The following ARHGEF18 variants were observed in gnomAD, a reference collection of about 807,000 sequenced individuals.
The protein encoded by ARHGEF18 is rho guanine nucleotide exchange factor 18.
ARHGEF18 carries 93 observed loss-of-function variants against 155.7 expected under a neutral mutation model. The observed-to-expected ratio is 0.60, with a 90% CI of 0.50 to 0.71. The LOEUF (loss-of-function observed/expected upper bound fraction) is 0.71, where lower values mean the gene tolerates loss of function less well. Among genes scored for constraint, ARHGEF18 ranks in the 30% least tolerant of loss-of-function variants. The pLI, the probability that ARHGEF18 is intolerant of heterozygous loss-of-function variation, is 0.00. For synonymous variants in ARHGEF18, 742 were observed against 753.1 expected (o/e 0.99, Z 0.24); for missense variants, 1,593 against 1,816.1 (o/e 0.88, Z 2.23).
intron 10 of ARHGEF18, among the ~76,000 whole-genome samples, chr19:7,385,893 TCC>T (rs1193790498): frequency 0.016 from 550 of 33,682 alleles, 47 homozygotes; most frequent in African/African-American, 0.091. Flanking sequence ...TCTCCCTCCC[TCC>T]CTCTCTCTCT....
chr19:7,385,872 C>CTCT lies in ARHGEF18; in HGVS notation c.967+2669_967+2670insTCT, dbSNP rs1568285803. ...CTCTCTCTCTCTCTCTCTCTCTCTC[C>CTCT]CCCCTCCCTCTCTCCCTCCCTCCCT... On this transcript the variant is annotated intron_variant, in intron 10 of 28. Transcript: ENST00000668164. 4.4e-4 allele frequency among the ~76,000 whole-genome samples: 22 copies of CTCT among 49,712 alleles called. 1 individual carries two copies. The highest frequency in any genetic ancestry group is 2.8e-3 in the East Asian group (4 of 1,436). The allele number at this position is 49,712 out of a possible 152,430, so 32.6% of individuals were successfully genotyped here. A position where few individuals can be genotyped will look rare whatever the true frequency, so the allele number is the denominator to read the frequency against.
At chr19:7,477,213 T>A (rs1479709789), downstream of ARHGEF18, 1 of 1,503,808 alleles carries the variant, frequency 6.6e-7, no homozygotes, top group Non-Finnish European at 8.9e-7. Flanking sequence ...CAGGGGGTAG[T>A]GGCCTCGGCC....
At position 7,398,700 on chromosome 19, in the gene ARHGEF18, A is replaced by G. The variant is rs11878698; in HGVS notation, c.967+15497A>G. Reference sequence around the variant, plus strand: ...AGCTAGACTCTGTCTCAAAAAAAAAAAAAAAAATAAAGAAAGAAAGAAAAG... The same window carrying G: ...AGCTAGACTCTGTCTCAAAAAAAAAGAAAAAAATAAAGAAAGAAAGAAAAG... On this transcript the variant is annotated intron_variant, in intron 10 of 28. Transcript: ENST00000668164. Among the ~76,000 whole-genome samples the G allele has an allele frequency of 1.6e-3, 230 of 139,602 alleles. 2 individuals carry two copies. The highest frequency in any genetic ancestry group is 6.3e-3 in the African/African-American group (218 of 34,714). 91.6% of individuals were successfully genotyped at this position (139,602 alleles called of 152,430 possible).
rs77680531 is a variant in ARHGEF18, at chr19:7,402,433, A to G, written c.967+19230A>G. Among the ~76,000 whole-genome samples, 643 of 152,298 alleles carry G rather than the reference A, an allele frequency of 4.2e-3. 38 individuals carry two copies. In the East Asian group the frequency reaches 0.11, roughly 25 times the overall value. ...GACTCTGTCTCAAAAAATAAAATGA[A>G]TAAATACATAAAATAGATTGTGATG... On this transcript the variant is annotated intron_variant, in intron 10 of 28. Transcript: ENST00000668164.
chr19:7,464,431 G>A lies in ARHGEF18; in HGVS notation c.2774-129G>A, dbSNP rs186591226. On this transcript the variant is annotated intron_variant, in intron 22 of 28. Coordinates refer to ENST00000668164, the MANE Select transcript of ARHGEF18 (RefSeq NM_001367823.1). Reference sequence around the variant, plus strand: ...GCCTGCCCCTCTCCAGCAGGCGTCTGTGCTGCAGACGCCACCATTCGGGCC... The same window carrying A: ...GCCTGCCCCTCTCCAGCAGGCGTCTATGCTGCAGACGCCACCATTCGGGCC... 1.4e-5 allele frequency: 16 copies of A among 1,173,830 alleles called. No homozygotes were observed. In the African/African-American group the frequency reaches 1.8e-4, roughly 13 times the overall value. 72.7% of individuals were successfully genotyped at this position (1,173,830 alleles called of 1,614,324 possible).
At chr19:7,459,760 C>A in intron 19 of ARHGEF18, 143 bp from the exon 20 acceptor site, 1 of 655,012 alleles carries the variant, frequency 1.5e-6, no homozygotes, top group Non-Finnish European at 2.6e-6. Flanking sequence ...CTCTTCCCCT[C>A]CTCGTCCTCC....
intron 16 of ARHGEF18, 100 bp downstream of exon 16, chr19:7,451,366 C>A: frequency 1.0e-6 from 1 of 975,288 alleles, no homozygotes. Context: ...GAATAAATTC[C>A]CTTTGAAATC....
intron 10 of ARHGEF18, among the ~76,000 whole-genome samples, chr19:7,414,347 G>C (rs1972872008): frequency 6.6e-6 from 1 of 152,162 alleles, no homozygotes; most frequent in Admixed American, 6.5e-5. Context: ...CAACTTCGGG[G>C]TTTCAGTTGA....
the ARHGEF18 span, chr19:7,478,313 C>A: frequency 6.2e-7 from 1 of 1,610,680 alleles, no homozygotes; most frequent in Non-Finnish European, 8.5e-7. Context: ...CGGGCTCCTA[C>A]CTGGTGAAGG....
rs1970703151 is a variant in ARHGEF18, at chr19:7,380,898, G to T, written c.645-19G>T. 4.1e-6 allele frequency: 5 copies of T among 1,231,598 alleles called. No individual in the cohort carries two copies. The highest frequency in any genetic ancestry group is 4.2e-5 in the Admixed American group (1 of 23,680). The allele number at this position is 1,231,598 out of a possible 1,614,324, so 76.3% of individuals were successfully genotyped here. On this transcript the variant is annotated intron_variant, in intron 7 of 28. Transcript: ENST00000668164. ...GAAGAGGCTGCCGACCCAGGTATCTGTCCCCTCTGATCCTGCAGGGCCCGG... is the reference window on the plus strand; with the variant it reads ...GAAGAGGCTGCCGACCCAGGTATCTTTCCCCTCTGATCCTGCAGGGCCCGG...
intron 19 of ARHGEF18, 93 bp from the exon 20 acceptor site, chr19:7,459,810 C>T (rs919995460): frequency 2.0e-5 from 21 of 1,033,288 alleles, no homozygotes; most frequent in Admixed American, 1.3e-4. Context: ...AAGTCAGAGA[C>T]GGTCGTGGCG....
At chr19:7,389,497 CCCTTCCTTCCTT>C (rs60652111) in intron 10 of ARHGEF18, among the ~76,000 whole-genome samples, 1 of 138,484 alleles carries the variant, frequency 7.2e-6, no homozygotes, top group African/African-American at 2.9e-5. Flanking sequence ...CTTCCTTCCT[CCCTTCCTTCCTT>C]CCTTCCTTTC....
intron 6 of ARHGEF18, 97 bp from the exon 7 acceptor site, chr19:7,379,025 C>T (rs1970599695): frequency 1.8e-6 from 2 of 1,091,746 alleles, no homozygotes; most frequent in African/African-American, 3.3e-5. Flanking sequence ...TGCATCAGGA[C>T]CTGAGGCCTG....
At chr19:7,410,548 C>A (rs1007916709) in intron 10 of ARHGEF18, among the ~76,000 whole-genome samples, 2 of 151,878 alleles carry the variant, frequency 1.3e-5, no homozygotes, top group African/African-American at 4.8e-5. Flanking sequence ...GTGGTTCGCG[C>A]CTGTAAATCC....
chr19:7,372,928 C>G lies in ARHGEF18; in HGVS notation c.132C>G (p.Ser44Arg). ...TGGGCCTTGGGGCCCCTTCCCACAG[C>G]CAGCCTGGGGAGACCCCAGACAGCC... ...QDLGLGAPSH[S>R]QPGETPDSRP... The change falls in exon 3 of 29, where the codon AGC becomes AGG. Residue 44 changes from serine (S) to arginine (R), a missense_variant. Transcript: ENST00000668164. 8.1e-7 allele frequency: 1 copy of G among 1,234,618 alleles called. No homozygotes were observed. Among genetic ancestry groups the G allele is most frequent in the South Asian group, 4.1e-5 (1 of 24,412 alleles). 76.5% of individuals were successfully genotyped at this position (1,234,618 alleles called of 1,614,324 possible). A position where few individuals can be genotyped will look rare whatever the true frequency, so the allele number is the denominator to read the frequency against.
chr19:7,449,993 A>G (rs1397592557), intron 15 of ARHGEF18, among the ~76,000 whole-genome samples: 1 of 152,132 alleles, frequency 6.6e-6, no homozygotes, highest in Non-Finnish European at 1.5e-5. Flanking sequence ...TGGCCTTTGT[A>G]TATACAGCAG....
Position 7,378,402 on chromosome 19 carries a change from C to A in ARHGEF18, c.550C>A (p.Pro184Thr), listed in dbSNP as rs1342974222. ...VPTPPVQGLE[P>T]PVLECMEKDH... ...TGGGGGGCTTCTTCCAGGCCTGGAA[C>A]CTCCAGTGCTGGAGTGCATGGAAAA... The change falls in exon 6 of 29, where the codon CCT becomes ACT. Residue 184 changes from proline to threonine, a missense_variant. Physicochemically the swap from Pro to Thr is conservative, Grantham distance 38. Coordinates refer to ENST00000668164, the MANE Select transcript of ARHGEF18 (RefSeq NM_001367823.1). 17 of 1,234,276 alleles carry A rather than the reference C, an allele frequency of 1.4e-5. No individual in the cohort carries two copies. Among genetic ancestry groups the A allele is most frequent in the Non-Finnish European group, 1.7e-5 (17 of 988,284 alleles). The allele number at this position is 1,234,276 out of a possible 1,614,324, so 76.5% of individuals were successfully genotyped here. A position where few individuals can be genotyped will look rare whatever the true frequency, so the allele number is the denominator to read the frequency against.
At chr19:7,355,623 C>T in intron 1 of ARHGEF18, 2 of 985,454 alleles carry the variant, frequency 2.0e-6, no homozygotes, top group Non-Finnish European at 2.4e-6. Flanking sequence ...GCACGCATGG[C>T]CCCCATGGCT....
At chr19:7,439,645 C>A (rs975796926) in intron 10 of ARHGEF18, 7 of 1,125,612 alleles carry the variant, frequency 6.2e-6, no homozygotes, top group Non-Finnish European at 7.6e-6. Context: ...GCGTCCACTT[C>A]GATGCTAGAA....
Sources: allele counts gnomAD v4.1 joint callset (sites outside exome capture counted in the v4.1 genomes callset), GRCh38; gene constraint gnomAD v4.1.1; transcripts MANE v1.5; gene names NCBI Gene and HGNC (gene_info 2026-07-23, HGNC 2026-07-21).